The following RXRA variants were observed in gnomAD, a reference collection of about 807,000 sequenced individuals.
RXRA encodes retinoid X receptor alpha.
In RXRA, 5 loss-of-function variants were observed where a neutral mutation model predicts 44.5. That is an observed-to-expected ratio of 0.11 (90% CI 0.06 to 0.24). The LOEUF (loss-of-function observed/expected upper bound fraction) is 0.24, where lower values mean the gene tolerates loss of function less well. Among genes scored for constraint, RXRA ranks in the 10% least tolerant of loss-of-function variants. The pLI, the probability that RXRA is intolerant of heterozygous loss-of-function variation, is 1.00. For synonymous variants in RXRA, 291 were observed against 271.4 expected (o/e 1.07, Z -0.71); for missense variants, 412 against 646.5 (o/e 0.64, Z 3.93).
chr9:134,383,024 T>G (rs1420714778), intron 1 of RXRA, among the ~76,000 whole-genome samples: 1 of 152,200 alleles, frequency 6.6e-6, no homozygotes, highest in African/African-American at 2.4e-5. Flanking sequence ...GCTATGCCCC[T>G]GGGCTGCTGG....
chr9:134,399,544 C>T (rs77500356), intron 1 of RXRA, among the ~76,000 whole-genome samples: 144 of 152,212 alleles, frequency 9.5e-4, no homozygotes, highest in Non-Finnish European at 1.6e-3. Context: ...ATGTGGAGAC[C>T]TCTGGGCTGC....
intron 1 of RXRA, among the ~76,000 whole-genome samples, chr9:134,341,886 G>C (rs1171169099): frequency 1.3e-5 from 2 of 152,120 alleles, no homozygotes; most frequent in Admixed American, 6.5e-5. Context: ...CAGCGTCACT[G>C]CCTGGGGCCT....
At chr9:134,423,655 C>G in intron 6 of RXRA, 2 of 985,502 alleles carry the variant, frequency 2.0e-6, no homozygotes, top group Non-Finnish European at 2.4e-6. Context: ...GTCCTTGCCC[C>G]TCTGGGCCTG....
intron 1 of RXRA, among the ~76,000 whole-genome samples, chr9:134,345,311 C>G (rs1200788268): frequency 6.6e-6 from 1 of 152,178 alleles, no homozygotes; most frequent in Non-Finnish European, 1.5e-5. Flanking sequence ...AGTGTAGCTG[C>G]TGGGAAGGAG....
chr9:134,409,961 G>A (rs1262763982), intron 4 of RXRA, among the ~76,000 whole-genome samples: 1 of 152,204 alleles, frequency 6.6e-6, no homozygotes, highest in African/African-American at 2.4e-5. Context: ...CACCTGTGTG[G>A]CTGGTGTGTC....
intron 4 of RXRA, among the ~76,000 whole-genome samples, chr9:134,414,456 G>A (rs1588297782): frequency 6.6e-6 from 1 of 152,264 alleles, no homozygotes; most frequent in South Asian, 2.1e-4. Flanking sequence ...AGCCATCCTG[G>A]GGGTGGGCGC....
At chr9:134,420,460 C>T (rs1490143274) in intron 5 of RXRA, among the ~76,000 whole-genome samples, 3 of 152,200 alleles carry the variant, frequency 2.0e-5, no homozygotes, top group African/African-American at 4.8e-5. Context: ...CTGTGTATAC[C>T]CCTTCTGGCT....
intron 1 of RXRA, among the ~76,000 whole-genome samples, chr9:134,356,909 G>A (rs545779799): frequency 2.0e-5 from 3 of 152,178 alleles, no homozygotes; most frequent in Non-Finnish European, 2.9e-5. Context: ...CGACACCTCC[G>A]CACCCTGCCT....
Position 134,436,627 on chromosome 9 carries a change from A to C in RXRA, c.*13A>C, listed in dbSNP as rs1390241048. On this transcript the variant is annotated 3_prime_UTR_variant, in exon 10 of 10. Coordinates refer to ENST00000481739, the MANE Select transcript of RXRA (RefSeq NM_002957.6). ...CCAAATGACTTAGGCCTGCGGGCCCATCCTTTGTGCCCACCCGTTCTGGCC... is the reference window on the plus strand; with the variant it reads ...CCAAATGACTTAGGCCTGCGGGCCCCTCCTTTGTGCCCACCCGTTCTGGCC... 13 of 1,613,498 alleles carry C rather than the reference A, an allele frequency of 8.1e-6. No individual in the cohort carries two copies. The highest frequency in any genetic ancestry group is 1.1e-5 in the Non-Finnish European group (13 of 1,179,932).
intron 1 of RXRA, among the ~76,000 whole-genome samples, chr9:134,367,562 GA>G (rs1830430028): frequency 6.6e-6 from 1 of 152,266 alleles, no homozygotes; most frequent in East Asian, 1.9e-4. Flanking sequence ...GACAGGATGT[GA>G]AACCCCCGGC....
Position 134,326,610 on chromosome 9 carries a change from C to T in RXRA, c.-22C>T, listed in dbSNP as rs782452514. ...GCCGCCCGCTGCCTGCGCCGCCGGCCGGGCATGAGTTAGTCGCAGACATGG... is the reference window on the plus strand; with the variant it reads ...GCCGCCCGCTGCCTGCGCCGCCGGCTGGGCATGAGTTAGTCGCAGACATGG... On this transcript the variant is annotated 5_prime_UTR_variant, in exon 1 of 10. Coordinates refer to ENST00000481739, the MANE Select transcript of RXRA (RefSeq NM_002957.6). 2.4e-3 allele frequency: 2,271 copies of T among 959,026 alleles called. 50 individuals carry two copies. In the African/African-American group the frequency reaches 0.038, roughly 16 times the overall value. The allele number at this position is 959,026 out of a possible 1,614,324, so 59.4% of individuals were successfully genotyped here. A position where few individuals can be genotyped will look rare whatever the true frequency, so the allele number is the denominator to read the frequency against.
rs377762298 is a variant in RXRA at position 134,433,769 on chromosome 9, C to T, written c.1136-333C>T. 9.9e-5 allele frequency among the ~76,000 whole-genome samples: 15 copies of T among 152,130 alleles called. No individual in the cohort carries two copies. Among genetic ancestry groups the T allele is most frequent in the Non-Finnish European group, 2.1e-4 (14 of 68,014 alleles). ...CCATTGTCTCTCCCAGTTCCCAAGG[C>T]GGCTGGAAGGAAGGCAGCAGATCCC... On this transcript the variant is annotated intron_variant, in intron 8 of 9. Transcript: ENST00000481739. The surrounding 1 kb of genome is among the most constrained non-coding windows in gnomAD (Gnocchi z 4.2).
chr9:134,422,709 A>T (rs1054724366), intron 6 of RXRA: 6 of 984,776 alleles, frequency 6.1e-6, no homozygotes, highest in Non-Finnish European at 7.2e-6. Context: ...CCTCCTATGT[A>T]CTCTATGGGA....
At position 134,380,148 on chromosome 9, in the gene RXRA, C is replaced by T. The variant is rs576626838; in HGVS notation, c.29-21484C>T. On this transcript the variant is annotated intron_variant, in intron 1 of 9. Coordinates refer to ENST00000481739, the MANE Select transcript of RXRA (RefSeq NM_002957.6). ...CCTTGGCACTGCCACCGTCCACCAG[C>T]GGCAAGTCAGGGCAGGTGCGTGTGT... is the stretch of plus-strand genomic sequence containing the variant. 2.8e-5 allele frequency: 28 copies of T among 985,468 alleles called. No individual in the cohort carries two copies. In the East Asian group the frequency reaches 1.5e-3, roughly 52 times the overall value. 61.0% of individuals were successfully genotyped at this position (985,468 alleles called of 1,614,324 possible).
intron 1 of RXRA, among the ~76,000 whole-genome samples, chr9:134,336,764 AAC>A (rs2119018508): frequency 6.6e-6 from 1 of 152,344 alleles, no homozygotes; most frequent in East Asian, 1.9e-4. Flanking sequence ...GTGGTCAGCC[AAC>A]TGATCCCCTC....
intron 4 of RXRA, among the ~76,000 whole-genome samples, chr9:134,414,303 T>C (rs1050716052): frequency 6.6e-6 from 1 of 152,200 alleles, no homozygotes; most frequent in Non-Finnish European, 1.5e-5. Context: ...GGGCCACCCT[T>C]GTCTGGGGCT....
At position 134,407,388 on chromosome 9, in the gene RXRA, G is replaced by A. The variant is rs1022563885; in HGVS notation, c.280-761G>A. 1.3e-5 allele frequency among the ~76,000 whole-genome samples: 2 copies of A among 152,236 alleles called. 1 individual carries two copies. Among genetic ancestry groups the A allele is most frequent in the Admixed American group, 1.3e-4 (2 of 15,290 alleles). On this transcript the variant is annotated intron_variant, in intron 2 of 9. Coordinates refer to ENST00000481739, the MANE Select transcript of RXRA (RefSeq NM_002957.6). The surrounding 1 kb of genome is among the most constrained non-coding windows in gnomAD (Gnocchi z 4.8). ...GCCAGGCTGGCTGGCAGGCTGCAGC[G>A]GGAAGCGCCTGTGGGTCCTCGGCGC...
In RXRA at chr9:134,408,302, A is replaced by G; in HGVS notation, c.430+3A>G. On this transcript the variant is annotated splice_donor_region_variant and intron_variant, in intron 3 of 9. Coordinates refer to ENST00000481739, the MANE Select transcript of RXRA (RefSeq NM_002957.6). ...CATCTGCGGGGACCGCTCCTCAGGT[A>G]CCGCTGCTGTGGGGGCCAGGGGCTG... 1.9e-6 allele frequency: 3 copies of G among 1,598,362 alleles called. No individual in the cohort carries two copies. Among genetic ancestry groups the G allele is most frequent in the East Asian group, 2.3e-5 (1 of 43,996 alleles).
In RXRA at chr9:134,359,255, C is replaced by T. The variant is rs574942381; in HGVS notation, c.28+32596C>T. Among the ~76,000 whole-genome samples, 13 of 152,242 alleles carry T rather than the reference C, an allele frequency of 8.5e-5. No individual in the cohort carries two copies. The South Asian group carries it at 1.7e-3, about 19-fold the overall frequency. On this transcript the variant is annotated intron_variant, in intron 1 of 9. Transcript: ENST00000481739. ...TTGAGGCAGAGCCAGGGCCACCTGC[C>T]TTTGGGGTCCTCAGGCGTTGGCTGT...
Sources: allele counts gnomAD v4.1 joint callset (sites outside exome capture counted in the v4.1 genomes callset), GRCh38; gene constraint gnomAD v4.1.1; non-coding constraint Gnocchi (gnomAD v3.1); transcripts MANE v1.5; gene names NCBI Gene and HGNC (gene_info 2026-07-23, HGNC 2026-07-21).